ITGA7: variants seen among roughly 807,000 people sequenced by gnomAD.
ITGA7 encodes the protein integrin alpha-7.
Under a neutral mutation model 131.6 loss-of-function variants are expected in ITGA7, and 84 were observed. The ratio of observed to expected loss-of-function variants is 0.64; its 90% CI spans 0.54 to 0.77. The LOEUF (loss-of-function observed/expected upper bound fraction) is 0.77, where lower values mean the gene tolerates loss of function less well. ITGA7 is among the 30% of genes least tolerant of loss of function. ITGA7 has a pLI of 0.00. For missense variants in ITGA7, 1,399 were observed against 1,482.9 expected (o/e 0.94, Z 0.93); for synonymous variants, 548 against 600.7 (o/e 0.91, Z 1.28).
chr12:55,716,350 G>T, upstream of ITGA7: 1 of 1,469,400 alleles, frequency 6.8e-7, no homozygotes, highest in South Asian at 1.4e-5. Flanking sequence ...GGCTTTTTTT[G>T]AAACTCCTTT....
upstream of ITGA7, chr12:55,711,978 G>T: frequency 9.1e-7 from 1 of 1,100,684 alleles, no homozygotes; most frequent in Non-Finnish European, 1.4e-6. Context: ...ACCTCATCTG[G>T]CAACAGAGCC....
At position 55,695,611 on chromosome 12, in the gene ITGA7, A is replaced by T; in HGVS notation, c.1914T>A (p.Gly638=). 1 of 1,613,752 alleles carries T rather than the reference A, an allele frequency of 6.2e-7. No individual in the cohort carries two copies. Among genetic ancestry groups the T allele is most frequent in the Non-Finnish European group, 8.5e-7 (1 of 1,179,880 alleles). ...GATTGCTCTGGCAGATCTTGTCTTC[A>T]CCACAGCCTTGCTTCAGGAAGTGGA... The part of the protein sequence containing the change: ...AEIHFLKQGC[G]EDKICQSNLQ... The change falls in exon 14 of 25, where the codon GGT becomes GGA. Residue 638 remains glycine (G), a synonymous_variant. Transcript: ENST00000257879.
chr12:55,695,365 C>T (rs1872413039), intron 14 of ITGA7, 157 bp downstream of exon 14: 1 of 650,020 alleles, frequency 1.5e-6, no homozygotes, highest in African/African-American at 1.8e-5. Flanking sequence ...ATCACTGACC[C>T]TCATCTCAGT....
In ITGA7 at chr12:55,697,559, A is replaced by G. The variant is rs770778321; in HGVS notation, c.1410-13T>C. Reference sequence around the variant, plus strand: ...GATGGGTCTGGCCCTGGGATTGGGGAGTCAAGAGCACAAGAAACATGAGAA... The same window carrying G: ...GATGGGTCTGGCCCTGGGATTGGGGGGTCAAGAGCACAAGAAACATGAGAA... On this transcript the variant is annotated splice_polypyrimidine_tract_variant and intron_variant, in intron 9 of 24. Coordinates refer to ENST00000257879, the MANE Select transcript of ITGA7 (RefSeq NM_002206.3). 2 of 1,611,554 alleles carry G rather than the reference A, an allele frequency of 1.2e-6. No individual in the cohort carries two copies. The highest frequency in any genetic ancestry group is 1.7e-6 in the Non-Finnish European group (2 of 1,177,864).
rs765356662 is a variant in ITGA7, at chr12:55,698,660, G to T, written c.998+50C>A. On this transcript the variant is annotated intron_variant, in intron 6 of 24. Coordinates refer to ENST00000257879, the MANE Select transcript of ITGA7 (RefSeq NM_002206.3). The stretch of plus-strand genomic sequence containing the variant: ...GGCTAAGTGGCCTCAGCCAGACTGG[G>T]GCTACTAGACCCAGCCTCCCTCAGG... The T allele has an allele frequency of 3.1e-6, 5 of 1,612,332 alleles. No homozygotes were observed. The East Asian group carries it at 1.1e-4, about 36-fold the overall frequency.
chr12:55,696,621 C>A (rs1018102881), intron 12 of ITGA7, among the ~76,000 whole-genome samples, 189 bp from the exon 13 acceptor site: 2 of 152,064 alleles, frequency 1.3e-5, no homozygotes, highest in Non-Finnish European at 2.9e-5. Flanking sequence ...ACCTTTAGGG[C>A]TTTGAGGACC....
At chr12:55,695,029 G>T (rs1173319646) in intron 14 of ITGA7, 59 bp from the exon 15 acceptor site, 3 of 1,509,206 alleles carry the variant, frequency 2.0e-6, no homozygotes, top group East Asian at 2.3e-5. Flanking sequence ...CCATTCCCCC[G>T]CCCAGTCTGC....
At chr12:55,686,886 T>G (rs1870274708) in intron 24 of ITGA7, among the ~76,000 whole-genome samples, 1 of 152,196 alleles carries the variant, frequency 6.6e-6, no homozygotes. Context: ...CAGTTTTCAC[T>G]GCCACATTCT....
chr12:55,707,035 G>A (rs879839432), intron 1 of ITGA7, among the ~76,000 whole-genome samples: 11 of 152,294 alleles, frequency 7.2e-5, no homozygotes, highest in Non-Finnish European at 1.3e-4. Flanking sequence ...AGTTATTTCT[G>A]GAGTCTGCCC....
chr12:55,716,075 G>C (rs1408348258), upstream of ITGA7: 2 of 1,572,332 alleles, frequency 1.3e-6, no homozygotes, highest in Non-Finnish European at 1.7e-6. Flanking sequence ...GCCGAGGTGA[G>C]CGTTCCAGCT....
upstream of ITGA7, among the ~76,000 whole-genome samples, chr12:55,708,627 A>C (rs1037685685): frequency 4.0e-5 from 6 of 151,832 alleles, no homozygotes; most frequent in Admixed American, 3.9e-4. Flanking sequence ...GGAGAAAAGA[A>C]AACGACTGGG....
At position 55,693,101 on chromosome 12, in the gene ITGA7, C is replaced by G. The variant is rs1871815146; in HGVS notation, c.2712+40G>C. The G allele has an allele frequency of 2.5e-6, 4 of 1,612,122 alleles. No individual in the cohort carries two copies. The South Asian group carries it at 3.3e-5, about 13-fold the overall frequency. ...TCACTACCCTTACTCCCCATAACAT[C>G]TGTCCCCACATCTAACCCCCACCCC... is the stretch of plus-strand genomic sequence containing the variant. On this transcript the variant is annotated intron_variant, in intron 20 of 24. Transcript: ENST00000257879.
chr12:55,707,919 C>A, upstream of ITGA7: 3 of 1,396,302 alleles, frequency 2.1e-6, no homozygotes, highest in Non-Finnish European at 2.8e-6. Context: ...GCTCCCGCCT[C>A]CTCTCCCGGG....
At chr12:55,704,503 T>C (rs1286681091) in intron 1 of ITGA7, among the ~76,000 whole-genome samples, 1 of 152,196 alleles carries the variant, frequency 6.6e-6, no homozygotes, top group Non-Finnish European at 1.5e-5. Context: ...AAGGAAATCA[T>C]ATTTATTCAG....
chr12:55,692,589 C>T (rs1261478231), intron 21 of ITGA7, among the ~76,000 whole-genome samples: 1 of 152,196 alleles, frequency 6.6e-6, no homozygotes, highest in East Asian at 1.9e-4. Context: ...TTTATATAAA[C>T]GTAATGTGAA....
upstream of ITGA7, among the ~76,000 whole-genome samples, chr12:55,713,152 G>C (rs1245967410): frequency 1.3e-5 from 2 of 152,000 alleles, no homozygotes; most frequent in Non-Finnish European, 2.9e-5. Context: ...GAGGCACCAG[G>C]CATTTCCAAT....
At chr12:55,707,978 G>A, upstream of ITGA7, 1 of 1,290,850 alleles carries the variant, frequency 7.7e-7, no homozygotes, top group Non-Finnish European at 9.8e-7. Flanking sequence ...TCCCGCGGCA[G>A]GTGGAGACCC....
intron 21 of ITGA7, among the ~76,000 whole-genome samples, chr12:55,691,772 A>G (rs937971308): frequency 4.6e-5 from 7 of 152,322 alleles, no homozygotes; most frequent in African/African-American, 1.7e-4. Flanking sequence ...GACGTTCTTC[A>G]GTTTGCCTCA....
At chr12:55,696,459 C>T (rs1174493651) in intron 12 of ITGA7, 27 bp from the exon 13 acceptor site, 1 of 1,583,102 alleles carries the variant, frequency 6.3e-7, no homozygotes, top group Non-Finnish European at 8.6e-7. Context: ...CTATTCCTCA[C>T]TGGAACAATC....
Sources: allele counts gnomAD v4.1 joint callset (sites outside exome capture counted in the v4.1 genomes callset), GRCh38; gene constraint gnomAD v4.1.1; transcripts MANE v1.5; gene names NCBI Gene and HGNC (gene_info 2026-07-23, HGNC 2026-07-21).